ZNF674: variants seen among roughly 807,000 people sequenced by gnomAD.
The protein encoded by ZNF674 is zinc finger protein 674.
Under a neutral mutation model 7.0 loss-of-function variants are expected in ZNF674, and 2 were observed. The observed-to-expected ratio is 0.29, with a 90% confidence interval of 0.12 to 0.90. The LOEUF is 0.90. Ranked by LOEUF, ZNF674 falls within the 40% of genes least tolerant of loss-of-function variation. The probability of loss-of-function intolerance (pLI) is 0.57; values close to 1 mark genes in which losing one functional copy is unlikely to be tolerated. For missense variants in ZNF674, 297 were observed against 415.5 expected (o/e 0.71, Z 2.48); for synonymous variants, 103 against 145.2 (o/e 0.71, Z 2.09).
chrX:46,542,424 T>C (rs1400326559), intron 2 of ZNF674, among the ~76,000 whole-genome samples: 3 of 112,350 alleles, frequency 2.7e-5, no homozygotes, highest in Non-Finnish European at 5.6e-5. Flanking sequence ...ATGTTCACCA[T>C]TGTCATTTCC....
chrX:46,534,581 G>A (rs183811851), intron 3 of ZNF674, among the ~76,000 whole-genome samples: 1,251 of 110,952 alleles, frequency 0.011, 14 homozygotes, highest in African/African-American at 0.027. Context: ...GGCTGGTCTC[G>A]AACTTCTGAG....
At chrX:46,530,478 C>T (rs1383912173) in intron 3 of ZNF674, among the ~76,000 whole-genome samples, 2 of 111,209 alleles carry the variant, frequency 1.8e-5, no homozygotes. Context: ...AAGATGGGCC[C>T]AGTTACATAT....
At position 46,508,683 on chromosome X, in the gene ZNF674, C is replaced by T. The variant is rs1437737073; in HGVS notation, c.239-7348G>A. On this transcript the variant is annotated intron_variant, in intron 5 of 5. Transcript: ENST00000683375. ...TCTCCTTGAAGAGGTCCTTCACGTCCCTTGTAAGTTGGATTCCTAGGTATT... is the reference window on the plus strand; with the variant it reads ...TCTCCTTGAAGAGGTCCTTCACGTCTCTTGTAAGTTGGATTCCTAGGTATT... Among the ~76,000 whole-genome samples, 8 of 110,987 alleles carry T rather than the reference C, an allele frequency of 7.2e-5. No individual in the cohort carries two copies. In the East Asian group the frequency reaches 2.3e-3, roughly 31 times the overall value.
At chrX:46,526,631 C>T (rs1008435648) in intron 5 of ZNF674, among the ~76,000 whole-genome samples, 2 of 110,877 alleles carry the variant, frequency 1.8e-5, no homozygotes, top group African/African-American at 6.6e-5. Flanking sequence ...ACAACAACAA[C>T]GAAGAGTATT....
rs1254885480 is a variant in ZNF674 at position 46,499,746 on chromosome X, A to G, written c.*97T>C. On this transcript the variant is annotated 3_prime_UTR_variant, in exon 6 of 6. Transcript: ENST00000683375. The stretch of plus-strand genomic sequence containing the variant: ...AGAATTTCCAATATTCTGGACATTT[A>G]TAAGATTACTCGCCATGATTATTTG... 9.1e-6 allele frequency: 6 copies of G among 662,775 alleles called. No homozygotes were observed. Among genetic ancestry groups the G allele is most frequent in the Non-Finnish European group, 1.3e-5 (6 of 470,110 alleles). 54.6% of individuals were successfully genotyped at this position (662,775 alleles called of 1,213,427 possible).
In ZNF674 at chrX:46,501,068, C is replaced by G. The variant is rs780181007; in HGVS notation, c.506G>C (p.Cys169Ser). 1.7e-6 allele frequency: 2 copies of G among 1,208,057 alleles called. No individual in the cohort carries two copies. Among genetic ancestry groups the G allele is most frequent in the Admixed American group, 4.4e-5 (2 of 45,475 alleles). Residue 169 changes from cysteine to serine, a missense_variant, in exon 6 of 6, where the codon TGT (cysteine) becomes TCT (serine). Cys to Ser is a moderately radical substitution (Grantham distance 112, BLOSUM62 -1). Coordinates refer to ENST00000683375, the MANE Select transcript of ZNF674 (RefSeq NM_001190417.2). ...GAGGCATACTTTCCAATATGCCTTA[C>G]ATCCATCATCTTTCTTTCTTACATA... ...RSYVRKKDDG[C>S]KAYWKVCLHY...
chrX:46,529,046 A>G (rs1942061501), intron 3 of ZNF674, 137 bp from the exon 4 acceptor site: 11 of 1,078,560 alleles, frequency 1.0e-5, no homozygotes, highest in Non-Finnish European at 1.4e-5. Flanking sequence ...CTTCGCCGCC[A>G]CCCTAGAAGG....
chrX:46,502,366 G>A lies in ZNF674; in HGVS notation c.239-1031C>T, dbSNP rs1384408315. Among the ~76,000 whole-genome samples, 4 of 106,933 alleles carry A rather than the reference G, an allele frequency of 3.7e-5. No individual in the cohort carries two copies. The East Asian group carries it at 1.2e-3, about 31-fold the overall frequency. 92.9% of individuals were successfully genotyped at this position (106,933 alleles called of 115,157 possible). Reference sequence around the variant, plus strand: ...GAAGGAGCTGATCCATCATTAGAAAGAATTGACCGATACATTTAAATATAC... The same window carrying A: ...GAAGGAGCTGATCCATCATTAGAAAAAATTGACCGATACATTTAAATATAC... On this transcript the variant is annotated intron_variant, in intron 5 of 5. Coordinates refer to ENST00000683375, the MANE Select transcript of ZNF674 (RefSeq NM_001190417.2).
At chrX:46,522,237 A>G (rs1161915125) in intron 5 of ZNF674, among the ~76,000 whole-genome samples, 1 of 108,412 alleles carries the variant, frequency 9.2e-6, no homozygotes, top group Non-Finnish European at 1.9e-5. Context: ...CACCTCCAGA[A>G]CCCAGACACC....
At chrX:46,506,808 A>C (rs1056104968) in intron 5 of ZNF674, among the ~76,000 whole-genome samples, 1 of 111,663 alleles carries the variant, frequency 9.0e-6, no homozygotes, top group African/African-American at 3.3e-5. Flanking sequence ...GGGGCATGGC[A>C]TAAAGAAAAT....
rs1941352665 is a variant in ZNF674 at position 46,497,802 on chromosome X, ACATT to A, written c.*2037_*2040del. The A allele has an allele frequency of 9.0e-6, 1 of 111,020 alleles. No individual in the cohort carries two copies. The highest frequency in any genetic ancestry group is 3.3e-5 in the African/African-American group (1 of 30,560). The allele number at this position is 111,020 out of a possible 1,213,427, so 9.1% of individuals were successfully genotyped here. On this transcript the variant is annotated 3_prime_UTR_variant, in exon 6 of 6. Transcript: ENST00000683375. ...AAATTTTTACACATCAATAATCCCC[ACATT>A]CAAATGCCAATTTACTTAATAATTT... is the stretch of plus-strand genomic sequence containing the variant.
At chrX:46,513,282 A>C (rs1941699255) in intron 5 of ZNF674, among the ~76,000 whole-genome samples, 2 of 112,194 alleles carry the variant, frequency 1.8e-5, no homozygotes, top group South Asian at 3.6e-4. Context: ...AAAAACAAAA[A>C]CAAAAAAAGA....
chrX:46,539,046 G>A (rs1186314474), intron 3 of ZNF674, among the ~76,000 whole-genome samples: 3 of 111,350 alleles, frequency 2.7e-5, no homozygotes, highest in Non-Finnish European at 5.7e-5. Context: ...TTAGCCAGGT[G>A]TGGTGGCACA....
At chrX:46,532,588 C>T (rs1569481) in intron 3 of ZNF674, among the ~76,000 whole-genome samples, 30,324 of 111,047 alleles carry the variant, frequency 0.27, 3,152 homozygotes, top group Middle Eastern at 0.38. Flanking sequence ...ATACTGCCTT[C>T]ACAAAAATTG....
chrX:46,525,532 T>TTGAACC (rs1941995277), intron 5 of ZNF674: 1 of 113,385 alleles, frequency 8.8e-6, no homozygotes, highest in Non-Finnish European at 1.8e-5. Context: ...GAAGAATCGC[T>TTGAACC]TGAACCCAGG....
intron 3 of ZNF674, among the ~76,000 whole-genome samples, chrX:46,539,777 C>G (rs1427007366): frequency 8.9e-6 from 1 of 112,298 alleles, no homozygotes. Context: ...AAATAATGAT[C>G]AGAACCATAA....
intron 3 of ZNF674, among the ~76,000 whole-genome samples, chrX:46,540,179 G>C (rs1236528932): frequency 9.1e-6 from 1 of 110,144 alleles, no homozygotes; most frequent in Non-Finnish European, 1.9e-5. Flanking sequence ...AGGAGGCGGA[G>C]CTCGCAGTGA....
chrX:46,501,181 A>T lies in ZNF674; in HGVS notation c.393T>A (p.Phe131Leu), dbSNP rs1941421189. The change falls in exon 6 of 6, where the codon TTT (phenylalanine) becomes TTA (leucine). Residue 131 changes from phenylalanine to leucine, a missense_variant. By Grantham distance (22) the Phe-to-Leu change is conservative. Transcript: ENST00000683375. ...TAGGGAGTCTTTGTTTTACAGAAACAAAGTCTGTGTTGAGATAAATGATTT... is the reference window on the plus strand; with the variant it reads ...TAGGGAGTCTTTGTTTTACAGAAACTAAGTCTGTGTTGAGATAAATGATTT... ...CRKIIYLNTD[F>L]VSVKQRLPKY... 10 of 1,208,348 alleles carry T rather than the reference A, an allele frequency of 8.3e-6. No individual in the cohort carries two copies. Among genetic ancestry groups the T allele is most frequent in the Non-Finnish European group, 1.1e-5 (10 of 894,305 alleles).
Position 46,534,502 on chromosome X carries a change from C to G in ZNF674, c.16-5593G>C, listed in dbSNP as rs770932591. Among the ~76,000 whole-genome samples, 7 of 110,539 alleles carry G rather than the reference C, an allele frequency of 6.3e-5. No individual in the cohort carries two copies. In the South Asian group the frequency reaches 2.7e-3, roughly 43 times the overall value. ...CAGCCCCGCAAAGTATCTGGGACTC[C>G]AGGCACACGCCACCTCACCCAGCTA... On this transcript the variant is annotated intron_variant, in intron 3 of 5. Coordinates refer to ENST00000683375, the MANE Select transcript of ZNF674 (RefSeq NM_001190417.2).
Sources: allele counts gnomAD v4.1 joint callset (sites outside exome capture counted in the v4.1 genomes callset), GRCh38; gene constraint gnomAD v4.1.1; transcripts MANE v1.5; gene names NCBI Gene and HGNC (gene_info 2026-07-23, HGNC 2026-07-21).